ACOT9: variants seen among roughly 807,000 people sequenced by gnomAD.
ACOT9 encodes the protein acyl-CoA thioesterase 9.
In ACOT9, 34 loss-of-function variants were observed where a neutral mutation model predicts 39.7. That is an observed-to-expected ratio of 0.86 (90% CI 0.65 to 1.14). The LOEUF (loss-of-function observed/expected upper bound fraction) is 1.14, where lower values mean the gene tolerates loss of function less well. Ranked by LOEUF, ACOT9 falls within the 50% of genes most tolerant of loss-of-function variation. ACOT9 has a pLI of 0.00. For missense variants in ACOT9, 313 were observed against 344.1 expected, an observed-to-expected ratio of 0.91 and a Z score of 0.71; for synonymous variants, 110 against 120.5, an observed-to-expected ratio of 0.91 and a Z score of 0.57.
At chrX:23,728,121 C>A (rs182790870) in intron 6 of ACOT9, among the ~76,000 whole-genome samples, 4,229 of 110,910 alleles carry the variant, frequency 0.038, 206 homozygotes, top group African/African-American at 0.13. Flanking sequence ...CAGGGAGACC[C>A]CATCTCTATA....
At chrX:23,731,454 G>A (rs1416390466) in intron 4 of ACOT9, among the ~76,000 whole-genome samples, 24 of 91,684 alleles carry the variant, frequency 2.6e-4, no homozygotes, top group Middle Eastern at 5.5e-3. Context: ...TCCAGCCTGG[G>A]CAACAGAGCA....
chrX:23,730,585 T>C, intron 5 of ACOT9, 21 bp from the exon 6 acceptor site: 2 of 1,186,614 alleles, frequency 1.7e-6, no homozygotes, highest in Non-Finnish European at 2.3e-6. Flanking sequence ...AAGCAAACAG[T>C]GAATTAAATG....
chrX:23,712,208 T>C (rs1928919418), intron 9 of ACOT9, among the ~76,000 whole-genome samples: 1 of 72,838 alleles, frequency 1.4e-5, no homozygotes, highest in South Asian at 8.4e-4. Flanking sequence ...GAGACCAGCC[T>C]GGGCAACATA....
At chrX:23,704,166 GTT>G (rs1162671112) in intron 15 of ACOT9, among the ~76,000 whole-genome samples, 184 bp from the exon 16 acceptor site, 72 of 66,285 alleles carry the variant, frequency 1.1e-3, no homozygotes, top group African/African-American at 4.3e-3. Context: ...GGCTGGATCA[GTT>G]TTTTTTTTTT....
chrX:23,713,301 G>T (rs1928965311), intron 8 of ACOT9, 93 bp from the exon 9 acceptor site: 1 of 714,245 alleles, frequency 1.4e-6, no homozygotes, highest in African/African-American at 2.1e-5. Flanking sequence ...ATGCTGGCCA[G>T]GTGCAGTCGC....
At position 23,702,552 on chromosome X, in the gene ACOT9, T is replaced by C. The variant is rs1178933544; in HGVS notation, c.*1342A>G. On this transcript the variant is annotated 3_prime_UTR_variant, in exon 16 of 16. Transcript: ENST00000379303. ...AGGCATGAGCTACCGCGCCCGGCCT[T>C]GGCTGCAGATTAACGGGAATACCTC... 1 of 111,650 alleles carries C rather than the reference T, an allele frequency of 9.0e-6. No homozygotes were observed. The highest frequency in any genetic ancestry group is 1.9e-5 in the Non-Finnish European group (1 of 53,270). The allele number at this position is 111,650 out of a possible 1,213,427, so 9.2% of individuals were successfully genotyped here.
At chrX:23,727,544 C>G (rs1354870410) in intron 6 of ACOT9, among the ~76,000 whole-genome samples, 2 of 109,488 alleles carry the variant, frequency 1.8e-5, no homozygotes. Flanking sequence ...AGGCTGGTCT[C>G]AAAGTCTTGG....
chrX:23,709,062 G>A (rs1293202011), intron 9 of ACOT9, among the ~76,000 whole-genome samples: 2 of 111,957 alleles, frequency 1.8e-5, no homozygotes, highest in African/African-American at 6.5e-5. Flanking sequence ...CACTGTGGTA[G>A]AATCAAAAGA....
At chrX:23,706,843 G>A (rs971470671) in intron 10 of ACOT9, 104 bp from the exon 11 acceptor site, 1 of 461,258 alleles carries the variant, frequency 2.2e-6, no homozygotes, top group Admixed American at 4.2e-5. Flanking sequence ...AATTATACAC[G>A]TATCCAAGAG....
rs757462492 is a variant in ACOT9 at position 23,706,201 on chromosome X, G to A, written c.843-343C>T. On this transcript the variant is annotated intron_variant, in intron 11 of 15. Transcript: ENST00000379303. Reference sequence around the variant, plus strand: ...GAATTGCTTGAACCCGGGAGGCAGAGGTTGTAGTGAGCCAAGATCACGCCA... The same window carrying A: ...GAATTGCTTGAACCCGGGAGGCAGAAGTTGTAGTGAGCCAAGATCACGCCA... 4.5e-5 allele frequency among the ~76,000 whole-genome samples: 5 copies of A among 110,623 alleles called. No homozygotes were observed. In the Admixed American group the frequency reaches 4.9e-4, roughly 11 times the overall value.
At chrX:23,727,970 G>T (rs1310084525) in intron 6 of ACOT9, among the ~76,000 whole-genome samples, 1 of 100,886 alleles carries the variant, frequency 9.9e-6, no homozygotes, top group Non-Finnish European at 2.0e-5. Context: ...TCTACTCCAG[G>T]CCGGGCAACA....
At chrX:23,721,833 C>T (rs766084199) in intron 8 of ACOT9, 48 bp downstream of exon 8, 1 of 1,054,556 alleles carries the variant, frequency 9.5e-7, no homozygotes, top group Non-Finnish European at 1.3e-6. Context: ...TGCATGGAGA[C>T]TAGCTGGTTT....
chrX:23,726,954 G>A (rs995739403), intron 6 of ACOT9, among the ~76,000 whole-genome samples: 1 of 104,933 alleles, frequency 9.5e-6, no homozygotes, highest in African/African-American at 3.6e-5. Context: ...CGAGTAGCTG[G>A]GATTACAGGC....
intron 3 of ACOT9, among the ~76,000 whole-genome samples, chrX:23,733,800 T>G (rs1051365228): frequency 9.0e-6 from 1 of 111,560 alleles, no homozygotes; most frequent in Admixed American, 9.6e-5. Context: ...TCGCTCTTGT[T>G]GCCCAGCCTG....
In ACOT9 at chrX:23,730,746, T is replaced by G. The variant is rs974515045; in HGVS notation, c.362+70A>C. The G allele has an allele frequency of 5.7e-6, 6 of 1,057,988 alleles. No homozygotes were observed. In the African/African-American group the frequency reaches 1.1e-4, roughly 20 times the overall value. 87.2% of individuals were successfully genotyped at this position (1,057,988 alleles called of 1,213,427 possible). ...TTAAACAGGCGAATTGTATGGTGTG[T>G]GAATTATATTTCAAAATTGTTATAA... On this transcript the variant is annotated intron_variant, in intron 5 of 15. Transcript: ENST00000379303.
chrX:23,731,099 ACTT>A, intron 4 of ACOT9, 113 bp from the exon 5 acceptor site: 1 of 543,740 alleles, frequency 1.8e-6, no homozygotes, highest in Non-Finnish European at 2.8e-6. Context: ...GTCTGGGCCT[ACTT>A]TCACCTTCTC....
chrX:23,737,791 C>A (rs1929990661), intron 1 of ACOT9, among the ~76,000 whole-genome samples: 1 of 111,190 alleles, frequency 9.0e-6, no homozygotes, highest in Non-Finnish European at 1.9e-5. Context: ...AGCTAACAAG[C>A]CTCTCTCTTA....
In ACOT9 at chrX:23,711,653, T is replaced by A. The variant is rs75984293; in HGVS notation, c.662+1482A>T. Among the ~76,000 whole-genome samples the A allele has an allele frequency of 6.1e-4, 68 of 111,817 alleles. 1 individual carries two copies. The East Asian group carries it at 0.017, about 29-fold the overall frequency. The stretch of plus-strand genomic sequence containing the variant: ...ATTGAAAGCACTGGAAAAAGACTGA[T>A]GGGAAACTCAGCTATTTGCAGGATG... On this transcript the variant is annotated intron_variant, in intron 9 of 15. Transcript: ENST00000379303.
intron 4 of ACOT9, among the ~76,000 whole-genome samples, chrX:23,731,286 G>C (rs1281929276): frequency 9.0e-6 from 1 of 111,292 alleles, no homozygotes; most frequent in African/African-American, 3.3e-5. Flanking sequence ...GACCAGCCTG[G>C]CCAACATGGC....
Sources: allele counts gnomAD v4.1 joint callset (sites outside exome capture counted in the v4.1 genomes callset), GRCh38; gene constraint gnomAD v4.1.1; transcripts MANE v1.5; gene names NCBI Gene and HGNC (gene_info 2026-07-23, HGNC 2026-07-21).